The following CUL5 variants were observed in gnomAD, a reference collection of about 807,000 sequenced individuals.
The protein encoded by CUL5 is cullin 5.
A neutral mutation model predicts 108.8 loss-of-function variants in CUL5; 26 were observed. The observed-to-expected ratio is 0.24, with a 90% confidence interval of 0.18 to 0.33. The LOEUF is 0.33. Among genes scored for constraint, CUL5 ranks in the 10% least tolerant of loss-of-function variants. The pLI is 1.00. For missense variants in CUL5, 524 were observed against 909.2 expected (o/e 0.58, Z 5.45); for synonymous variants, 334 against 298.0 (o/e 1.12, Z -1.25).
chr11:108,087,945 A>C (rs554708341), intron 11 of CUL5, among the ~76,000 whole-genome samples: 56 of 152,262 alleles, frequency 3.7e-4, no homozygotes, highest in Non-Finnish European at 6.9e-4. Flanking sequence ...AGTCTGGGGG[A>C]CAAGAGCAAA....
chr11:108,022,813 C>G (rs969352321), intron 1 of CUL5, among the ~76,000 whole-genome samples: 20 of 152,158 alleles, frequency 1.3e-4, no homozygotes, highest in African/African-American at 4.6e-4. Context: ...GATGGTGCCA[C>G]TGCACTCCAG....
chr11:108,080,599 T>C (rs1446075153), intron 11 of CUL5, among the ~76,000 whole-genome samples: 1 of 152,150 alleles, frequency 6.6e-6, no homozygotes, highest in Non-Finnish European at 1.5e-5. Flanking sequence ...TTTCACCATG[T>C]TGACCAGGAT....
intron 11 of CUL5, among the ~76,000 whole-genome samples, chr11:108,080,356 T>C (rs1864047781): frequency 6.6e-6 from 1 of 152,150 alleles, no homozygotes; most frequent in Admixed American, 6.5e-5. Flanking sequence ...CCCAAAGTGT[T>C]GAGCTTACAG....
In CUL5 at chr11:108,093,203, C is replaced by G. The variant is rs569938382; in HGVS notation, c.1444-1188C>G. Among the ~76,000 whole-genome samples the G allele has an allele frequency of 3.3e-5, 5 of 152,306 alleles. 1 individual carries two copies. The highest frequency in any genetic ancestry group is 1.2e-4 in the African/African-American group (5 of 41,570). ...GAGTAGTTTGAATAGCTTTTGCCTT[C>G]TTGTGTAACTTGACAGAGTAAGCAT... On this transcript the variant is annotated intron_variant, in intron 13 of 18. Coordinates refer to ENST00000393094, the MANE Select transcript of CUL5 (RefSeq NM_003478.6).
chr11:108,022,879 G>A (rs1314545258), intron 1 of CUL5, among the ~76,000 whole-genome samples: 4 of 152,068 alleles, frequency 2.6e-5, no homozygotes, highest in Non-Finnish European at 1.5e-5. Flanking sequence ...AAATTGAGTT[G>A]TTTTGCTTTT....
intron 18 of CUL5, among the ~76,000 whole-genome samples, chr11:108,101,225 G>A (rs1864655533): frequency 6.6e-6 from 1 of 152,146 alleles, no homozygotes; most frequent in Non-Finnish European, 1.5e-5. Context: ...ATTTGCATAG[G>A]TGGCATCTGG....
intron 13 of CUL5, among the ~76,000 whole-genome samples, chr11:108,091,092 C>T (rs1383354241): frequency 1.3e-5 from 2 of 151,656 alleles, no homozygotes; most frequent in African/African-American, 2.4e-5. Context: ...TGCTGTGTTA[C>T]CCAGGCTGGA....
intron 3 of CUL5, among the ~76,000 whole-genome samples, chr11:108,046,673 C>T (rs1863076631): frequency 6.6e-6 from 1 of 152,178 alleles, no homozygotes; most frequent in Non-Finnish European, 1.5e-5. Context: ...TCAGTCCACA[C>T]AGATCTTTTT....
intron 11 of CUL5, among the ~76,000 whole-genome samples, chr11:108,081,432 A>C (rs965923646): frequency 2.4e-4 from 36 of 151,758 alleles, no homozygotes; most frequent in Admixed American, 2.0e-4. Flanking sequence ...TCCAGCATTC[A>C]TTGAACAGTC....
chr11:108,091,302 C>T (rs552810047), intron 13 of CUL5, among the ~76,000 whole-genome samples: 19 of 151,986 alleles, frequency 1.3e-4, no homozygotes, highest in South Asian at 6.2e-4. Flanking sequence ...CCGCCTGCCT[C>T]GGCCTCCCAA....
intron 7 of CUL5, among the ~76,000 whole-genome samples, chr11:108,063,176 A>G (rs1371748351): frequency 6.6e-6 from 1 of 152,068 alleles, no homozygotes; most frequent in African/African-American, 2.4e-5. Flanking sequence ...CCCATTAACC[A>G]TCCCTATTTC....
chr11:108,058,091 C>A (rs913851482), intron 7 of CUL5, among the ~76,000 whole-genome samples: 2 of 149,132 alleles, frequency 1.3e-5, no homozygotes, highest in South Asian at 2.3e-4. Context: ...CACCTGTAAT[C>A]CCAGCTACTC....
chr11:108,061,485 G>C (rs934296771), intron 7 of CUL5, among the ~76,000 whole-genome samples: 8 of 152,060 alleles, frequency 5.3e-5, no homozygotes, highest in African/African-American at 1.9e-4. Flanking sequence ...TGTAATGAAA[G>C]TTTTAAAATA....
chr11:108,050,213 A>G (rs759530624), intron 4 of CUL5, 147 bp downstream of exon 4: 4 of 600,426 alleles, frequency 6.7e-6, no homozygotes, highest in Non-Finnish European at 1.1e-5. Context: ...TTATTGAATA[A>G]TATTCTTTTT....
intron 11 of CUL5, among the ~76,000 whole-genome samples, chr11:108,083,054 A>G (rs1864135327): frequency 6.6e-6 from 1 of 152,222 alleles, no homozygotes; most frequent in Non-Finnish European, 1.5e-5. Flanking sequence ...GCAAATAGAA[A>G]TACTTTTACT....
At chr11:108,010,772 G>T (rs1862040464) in intron 1 of CUL5, among the ~76,000 whole-genome samples, 1 of 152,104 alleles carries the variant, frequency 6.6e-6, no homozygotes, top group African/African-American at 2.4e-5. Context: ...CTTTTATAAT[G>T]GTATAGCAAA....
At chr11:108,016,228 T>C (rs1279491201) in intron 1 of CUL5, among the ~76,000 whole-genome samples, 3 of 148,304 alleles carry the variant, frequency 2.0e-5, no homozygotes, top group African/African-American at 7.9e-5. Context: ...AGAGAGGTTT[T>C]TCTTTTCTCT....
At chr11:108,098,202 G>A (rs1367457743) in intron 17 of CUL5, among the ~76,000 whole-genome samples, 2 of 152,078 alleles carry the variant, frequency 1.3e-5, no homozygotes, top group African/African-American at 4.8e-5. Context: ...GTAGTCACTT[G>A]TTTTATTAAC....
chr11:108,060,978 T>A (rs1180713475), intron 7 of CUL5, among the ~76,000 whole-genome samples: 2 of 152,166 alleles, frequency 1.3e-5, no homozygotes, highest in African/African-American at 4.8e-5. Flanking sequence ...GAGTTTATAG[T>A]CTTGCTGTAG....
Sources: gnomAD v4.1 joint callset for allele counts (sites outside exome capture counted in the v4.1 genomes callset) on GRCh38, gnomAD v4.1.1 for gene constraint, MANE v1.5 for transcripts, NCBI Gene and HGNC (gene_info 2026-07-23, HGNC 2026-07-21) for gene names.